Variants in MYZAP observed in about 807,000 individuals in gnomAD.
The protein encoded by MYZAP is myocardial zonula adherens protein.
A neutral mutation model predicts 69.4 loss-of-function variants in MYZAP; 66 were observed. That is an observed-to-expected ratio of 0.95 (90% CI 0.78 to 1.17). The LOEUF is 1.17. Among genes scored for constraint, MYZAP ranks in the 50% most tolerant of loss-of-function variants. MYZAP has a pLI of 0.00. For synonymous variants in MYZAP, 256 were observed against 205.9 expected, an observed-to-expected ratio of 1.24 and a Z score of -2.09; for missense variants, 611 against 556.2, an observed-to-expected ratio of 1.10 and a Z score of -0.99.
rs2039602878 is a variant in MYZAP, at chr15:57,684,572, G to A, written c.*74G>A. On this transcript the variant is annotated 3_prime_UTR_variant, in exon 13 of 13. Coordinates refer to ENST00000267853, the MANE Select transcript of MYZAP (RefSeq NM_001018100.5). The stretch of plus-strand genomic sequence containing the variant: ...CTGTGGCTTCAAATCCTTTGGGAAG[G>A]GTGACTGTTGTTTCCCCTACACACA... The A allele has an allele frequency of 2.2e-5, 21 of 944,300 alleles. 1 individual carries two copies. In the South Asian group the frequency reaches 3.0e-4, roughly 13 times the overall value. 58.5% of individuals were successfully genotyped at this position (944,300 alleles called of 1,614,324 possible). A position where few individuals can be genotyped will look rare whatever the true frequency, so the allele number is the denominator to read the frequency against.
chr15:57,624,227 C>G (rs1037343151), intron 4 of MYZAP, among the ~76,000 whole-genome samples: 7 of 152,184 alleles, frequency 4.6e-5, no homozygotes, highest in Non-Finnish European at 1.5e-5. Context: ...AAGTCCCTGT[C>G]TATGTGACGT....
At position 57,633,715 on chromosome 15, in the gene MYZAP, G is replaced by T. The variant is rs1225410552; in HGVS notation, c.907G>T (p.Asp303Tyr). Residue 303 changes from aspartate (D) to tyrosine (Y), a missense_variant, in exon 8 of 13, where the codon GAC (aspartate) becomes TAC (tyrosine). Physicochemically the swap from Asp to Tyr is radical, Grantham distance 160. Coordinates refer to ENST00000267853, the MANE Select transcript of MYZAP (RefSeq NM_001018100.5). Reference protein sequence around the residue: ...EEKDQRIGELDRLIERMEKER... With the variant: ...EEKDQRIGELYRLIERMEKER... ...GAAAGACCAGAGGATCGGGGAGCTG[G>T]ACAGGCTGATTGAGCGCATGGAAAA... 1 of 1,611,262 alleles carries T rather than the reference G, an allele frequency of 6.2e-7. No homozygotes were observed. Among genetic ancestry groups the T allele is most frequent in the Admixed American group, 1.7e-5 (1 of 59,744 alleles).
At chr15:57,646,449 A>G in intron 10 of MYZAP, 1 of 1,053,674 alleles carries the variant, frequency 9.5e-7, no homozygotes, top group Non-Finnish European at 1.1e-6. Flanking sequence ...GAGTATTTTT[A>G]GGAACTTGAG....
At chr15:57,661,153 G>A (rs1405832796) in intron 10 of MYZAP, among the ~76,000 whole-genome samples, 1 of 152,156 alleles carries the variant, frequency 6.6e-6, no homozygotes, top group Non-Finnish European at 1.5e-5. Flanking sequence ...GTGTGGAAAT[G>A]TTGGATTAAT....
In MYZAP at chr15:57,661,475, A is replaced by G; in HGVS notation, c.1145A>G (p.Gln382Arg). ...EEIESLKKKLQQKQLLILQLL... is the reference protein window; with the variant it reads ...EEIESLKKKLRQKQLLILQLL... ...ATTGAATCATTAAAGAAAAAGTTGC[A>G]ACAGAAACAGCTCTTAATACTGCAG... Residue 382 changes from glutamine (Q) to arginine (R), a missense_variant, in exon 11 of 13, where the codon CAA becomes CGA. By Grantham distance (43) the Gln-to-Arg change is conservative. Coordinates refer to ENST00000267853, the MANE Select transcript of MYZAP (RefSeq NM_001018100.5). The G allele has an allele frequency of 6.2e-7, 1 of 1,609,058 alleles. No individual in the cohort carries two copies. Among genetic ancestry groups the G allele is most frequent in the Non-Finnish European group, 8.5e-7 (1 of 1,178,734 alleles).
intron 11 of MYZAP, among the ~76,000 whole-genome samples, chr15:57,671,623 G>A (rs1321371873): frequency 6.6e-6 from 1 of 151,422 alleles, no homozygotes; most frequent in African/African-American, 2.4e-5. Flanking sequence ...TTAATGTATT[G>A]TAAAATTTAC....
At chr15:57,609,077 A>C (rs939534345) in intron 2 of MYZAP, among the ~76,000 whole-genome samples, 1 of 152,254 alleles carries the variant, frequency 6.6e-6, no homozygotes, top group Admixed American at 6.5e-5. Flanking sequence ...ACATAGGTAT[A>C]GATATATATT....
chr15:57,660,802 A>G lies in MYZAP; in HGVS notation c.1120-648A>G, dbSNP rs565823919. Among the ~76,000 whole-genome samples, 209 of 152,308 alleles carry G rather than the reference A, an allele frequency of 1.4e-3. 4 individuals are homozygous for G. Among genetic ancestry groups the G allele is most frequent in the South Asian group, 8.3e-4 (4 of 4,828 alleles). On this transcript the variant is annotated intron_variant, in intron 10 of 12. Coordinates refer to ENST00000267853, the MANE Select transcript of MYZAP (RefSeq NM_001018100.5). ...TTTGTCTAGGGAGACATGATGTATG[A>G]TTGGAAAACAAAGAGTAGTCTAAGA... is the stretch of plus-strand genomic sequence containing the variant.
intron 11 of MYZAP, among the ~76,000 whole-genome samples, chr15:57,663,544 G>T (rs1255845838): frequency 6.6e-6 from 1 of 152,214 alleles, no homozygotes; most frequent in African/African-American, 2.4e-5. Flanking sequence ...CTGGGAGATG[G>T]TGTGGAAGTG....
intron 12 of MYZAP, among the ~76,000 whole-genome samples, chr15:57,676,410 GTATATATATGTGTATATATATATATGTA>G (rs1284503823): frequency 3.0e-3 from 76 of 25,496 alleles, no homozygotes; most frequent in Admixed American, 0.014. Flanking sequence ...ATATATATAT[GTATATATATGTGTATATATATATATGTA>G]TATATATATA....
At chr15:57,657,786 C>A (rs1171484014) in intron 10 of MYZAP, among the ~76,000 whole-genome samples, 2 of 152,054 alleles carry the variant, frequency 1.3e-5, no homozygotes, top group African/African-American at 4.8e-5. Flanking sequence ...ATTAGTGGAT[C>A]AAAGGGTATG....
At chr15:57,616,822 C>CTTTTTTTTTTTTGT (rs2035487317) in intron 2 of MYZAP, among the ~76,000 whole-genome samples, 1 of 50,058 alleles carries the variant, frequency 2.0e-5, no homozygotes, top group Non-Finnish European at 3.5e-5. Context: ...AAAAAAAGTG[C>CTTTTTTTTTTTTGT]TTTTTTTTTT....
chr15:57,598,643 C>G (rs1165594209), intron 1 of MYZAP, among the ~76,000 whole-genome samples: 2 of 152,192 alleles, frequency 1.3e-5, no homozygotes, highest in Non-Finnish European at 2.9e-5. Context: ...TAGTCTCTTC[C>G]TCCAAAGATT....
rs1469019374 is a variant in MYZAP at position 57,685,261 on chromosome 15, T to C, written c.*763T>C. 6.6e-6 allele frequency: 1 copy of C among 152,256 alleles called. No individual in the cohort carries two copies. Among genetic ancestry groups the C allele is most frequent in the African/African-American group, 2.4e-5 (1 of 41,472 alleles). 9.4% of individuals were successfully genotyped at this position (152,256 alleles called of 1,614,324 possible). ...ATTTAGTGTTCTCAGTATCAATTGG[T>C]GTTTTTGTTAAACGAATGAATCATC... On this transcript the variant is annotated 3_prime_UTR_variant, in exon 13 of 13. Transcript: ENST00000267853.
intron 10 of MYZAP, chr15:57,646,405 A>G: frequency 1.8e-6 from 2 of 1,109,736 alleles, no homozygotes; most frequent in Non-Finnish European, 2.2e-6. Context: ...GTACAGCCTC[A>G]AACTGCAGAG....
intron 11 of MYZAP, among the ~76,000 whole-genome samples, chr15:57,666,093 C>G (rs1718672346): frequency 1.3e-5 from 2 of 152,210 alleles, no homozygotes; most frequent in South Asian, 4.1e-4. Context: ...TTAATTCTTT[C>G]TTAATTACTC....
Position 57,592,106 on chromosome 15 carries a change from G to T in MYZAP, c.72G>T (p.Arg24Ser), listed in dbSNP as rs952824947. 2.7e-5 allele frequency: 36 copies of T among 1,350,916 alleles called. No homozygotes were observed. Among genetic ancestry groups the T allele is most frequent in the Non-Finnish European group, 3.3e-5 (35 of 1,055,990 alleles). 83.7% of individuals were successfully genotyped at this position (1,350,916 alleles called of 1,614,324 possible). The change falls in exon 1 of 13, where the codon AGG becomes AGT. Residue 24 changes from arginine (R) to serine (S), a missense_variant. Transcript: ENST00000267853. ...CCAGGACGCCCGGGGCGCCCAGCAG[G>T]AGGGTGAGTAGCGGGGGCGGGAGCC... ...GAARTPGAPSRRANVCRLRLT... is the reference protein window; with the variant it reads ...GAARTPGAPSSRANVCRLRLT...
intron 10 of MYZAP, among the ~76,000 whole-genome samples, chr15:57,651,298 G>A (rs1044353237): frequency 3.3e-5 from 5 of 152,182 alleles, no homozygotes; most frequent in African/African-American, 1.2e-4. Flanking sequence ...CTCCTGTTCA[G>A]GATTTGGTGT....
At chr15:57,597,322 T>C (rs1273018893) in intron 1 of MYZAP, among the ~76,000 whole-genome samples, 3 of 152,214 alleles carry the variant, frequency 2.0e-5, no homozygotes, top group Non-Finnish European at 4.4e-5. Flanking sequence ...CCAAACCAAT[T>C]AAATGGGAAC....
Sources: gnomAD v4.1 joint callset for allele counts (sites outside exome capture counted in the v4.1 genomes callset) on GRCh38, gnomAD v4.1.1 for gene constraint, MANE v1.5 for transcripts, NCBI Gene and HGNC (gene_info 2026-07-23, HGNC 2026-07-21) for gene names.